DLGAP4: variants seen among roughly 807,000 people sequenced by gnomAD.
DLGAP4 encodes the protein disks large-associated protein 4.
Under a neutral mutation model 86.9 loss-of-function variants are expected in DLGAP4, and 18 were observed. The ratio of observed to expected loss-of-function variants is 0.21; its 90% CI spans 0.14 to 0.31. The LOEUF (loss-of-function observed/expected upper bound fraction) is 0.31. Among genes scored for constraint, DLGAP4 ranks in the 10% least tolerant of loss-of-function variants. The pLI, the probability that DLGAP4 is intolerant of heterozygous loss-of-function variation, is 1.00. For missense variants in DLGAP4, 1,085 were observed against 1,362.6 expected (o/e 0.80, Z 3.21); for synonymous variants, 548 against 574.3 (o/e 0.95, Z 0.65).
At chr20:36,460,838 T>C (rs537597951) in intron 7 of DLGAP4, among the ~76,000 whole-genome samples, 22 of 152,286 alleles carry the variant, frequency 1.4e-4, no homozygotes, top group African/African-American at 2.9e-4. Context: ...GGGGGAGGAA[T>C]GGAAGGCTCA....
chr20:36,374,925 C>G (rs2031093852), intron 2 of DLGAP4, among the ~76,000 whole-genome samples: 1 of 152,254 alleles, frequency 6.6e-6, no homozygotes, highest in African/African-American at 2.4e-5. Context: ...GATGAGGAAG[C>G]CCTGGATGTC....
intron 2 of DLGAP4, among the ~76,000 whole-genome samples, chr20:36,392,313 G>A (rs2031810778): frequency 1.3e-5 from 2 of 152,206 alleles, no homozygotes; most frequent in South Asian, 4.1e-4. Flanking sequence ...ACAGCCAGGA[G>A]GGGTTAGAGC....
chr20:36,361,978 CA>C (rs545997891), intron 1 of DLGAP4, among the ~76,000 whole-genome samples: 1,964 of 48,422 alleles, frequency 0.041, 26 homozygotes, highest in African/African-American at 0.13. Context: ...GATTCTGTCT[CA>C]AAAAAAAAAA....
At chr20:36,321,956 G>A (rs2065172901) in intron 1 of DLGAP4, among the ~76,000 whole-genome samples, 1 of 152,192 alleles carries the variant, frequency 6.6e-6, no homozygotes, top group Non-Finnish European at 1.5e-5. Context: ...TATTTGTTGA[G>A]TGCCCACTTG....
chr20:36,403,975 A>G lies in DLGAP4; in HGVS notation c.-72-27671A>G, dbSNP rs140285725. Among the ~76,000 whole-genome samples the G allele has an allele frequency of 6.5e-3, 985 of 152,344 alleles. 7 individuals are homozygous for G. Among genetic ancestry groups the G allele is most frequent in the African/African-American group, 0.021 (875 of 41,574 alleles). ...CAAGAGATCCAAAACAGCAAGTTGG[A>G]AACTGCAGTATCTTTCATAGTCTAG... On this transcript the variant is annotated intron_variant, in intron 2 of 12. Transcript: ENST00000339266.
chr20:36,315,865 A>G (rs1600392189), intron 1 of DLGAP4, among the ~76,000 whole-genome samples: 1 of 152,034 alleles, frequency 6.6e-6, no homozygotes, highest in Non-Finnish European at 1.5e-5. Context: ...GAGCTGACTG[A>G]CCCCTGCCAT....
At chr20:36,328,543 A>C (rs1256232897) in intron 1 of DLGAP4, among the ~76,000 whole-genome samples, 2 of 151,688 alleles carry the variant, frequency 1.3e-5, no homozygotes, top group African/African-American at 4.9e-5. Context: ...CCCAGACTCT[A>C]TCAGGAGGGG....
rs1332468819 is a variant in DLGAP4 at position 36,393,913 on chromosome 20, C to T, written c.-73+26638C>T. 6.6e-6 allele frequency among the ~76,000 whole-genome samples: 1 copy of T among 152,134 alleles called. No homozygotes were observed. Among genetic ancestry groups the T allele is most frequent in the Non-Finnish European group, 1.5e-5 (1 of 68,008 alleles). On this transcript the variant is annotated intron_variant, in intron 2 of 12. Coordinates refer to ENST00000339266, the MANE Select transcript of DLGAP4 (RefSeq NM_001365621.2). This position sits in a 1 kb window ranked among gnomAD's most constrained non-coding sequence, Gnocchi z 4.4. ...GGAGGGGGCTCAGGGACTCATCCCTCGCCTGCCCACAGAATGCGCCCCAGG... is the reference window on the plus strand; with the variant it reads ...GGAGGGGGCTCAGGGACTCATCCCTTGCCTGCCCACAGAATGCGCCCCAGG...
chr20:36,526,494 C>G (rs1208139374), intron 12 of DLGAP4, among the ~76,000 whole-genome samples: 1 of 152,090 alleles, frequency 6.6e-6, no homozygotes, highest in East Asian at 1.9e-4. Context: ...AAATTTGTCT[C>G]TGACTGTGAC....
rs1458341748 is a variant in DLGAP4 at position 36,327,614 on chromosome 20, C to T, written c.-304+21102C>T. On this transcript the variant is annotated intron_variant, in intron 1 of 12. Transcript: ENST00000339266. ...TCTTTTTTTTTTTTTTTTTTTGAGA[C>T]GGAGTCTCGCTCTGTCGCCCAGGCT... Among the ~76,000 whole-genome samples, 51 of 129,956 alleles carry T rather than the reference C, an allele frequency of 3.9e-4. 1 individual carries two copies. Among genetic ancestry groups the T allele is most frequent in the East Asian group, 8.9e-4 (4 of 4,494 alleles). 85.3% of individuals were successfully genotyped at this position (129,956 alleles called of 152,430 possible).
chr20:36,387,768 G>A (rs2031648490), intron 2 of DLGAP4, among the ~76,000 whole-genome samples: 1 of 152,168 alleles, frequency 6.6e-6, no homozygotes, highest in African/African-American at 2.4e-5. Context: ...TTTTCTCACT[G>A]ATTTGAAATA....
chr20:36,417,680 G>A (rs1476692953), intron 2 of DLGAP4, among the ~76,000 whole-genome samples: 2 of 151,868 alleles, frequency 1.3e-5, no homozygotes, highest in East Asian at 1.9e-4. Flanking sequence ...CTCCGTGCCC[G>A]GCCTGAGACG....
intron 1 of DLGAP4, among the ~76,000 whole-genome samples, chr20:36,330,793 C>T (rs932315863): frequency 2.6e-5 from 4 of 152,112 alleles, no homozygotes; most frequent in South Asian, 2.1e-4. Flanking sequence ...AAGATGGTCT[C>T]GATCTCTTGA....
intron 2 of DLGAP4, among the ~76,000 whole-genome samples, chr20:36,384,468 A>G (rs752734110): frequency 6.6e-6 from 1 of 152,232 alleles, no homozygotes; most frequent in Non-Finnish European, 1.5e-5. Context: ...ATTTCTAAGC[A>G]GCAACCTACA....
At chr20:36,394,021 A>G (rs1233604164) in intron 2 of DLGAP4, among the ~76,000 whole-genome samples, 1 of 152,152 alleles carries the variant, frequency 6.6e-6, no homozygotes, top group Non-Finnish European at 1.5e-5. Flanking sequence ...TCTATTTCTC[A>G]GAACCTGTGA....
At chr20:36,470,416 G>T (rs1264953420) in intron 7 of DLGAP4, among the ~76,000 whole-genome samples, 1 of 152,106 alleles carries the variant, frequency 6.6e-6, no homozygotes. Flanking sequence ...TGTGTGCCTG[G>T]GTCCTGCCTC....
At chr20:36,508,013 G>A (rs920387181) in intron 10 of DLGAP4, 1 of 152,308 alleles carries the variant, frequency 6.6e-6, no homozygotes, top group Admixed American at 6.5e-5. Context: ...CCAGGCCCAA[G>A]TGTGTGTTGA....
At chr20:36,395,494 G>A (rs1332481960) in intron 2 of DLGAP4, among the ~76,000 whole-genome samples, 1 of 151,892 alleles carries the variant, frequency 6.6e-6, no homozygotes, top group East Asian at 1.9e-4. Flanking sequence ...AGTCAGCACT[G>A]CCTTTTTTTT....
intron 1 of DLGAP4, among the ~76,000 whole-genome samples, chr20:36,336,013 T>A (rs2065318025): frequency 6.6e-6 from 1 of 152,168 alleles, no homozygotes; most frequent in Non-Finnish European, 1.5e-5. Flanking sequence ...TCCCACCCTG[T>A]GGCCAGGGCC....
Sources: allele counts gnomAD v4.1 joint callset (sites outside exome capture counted in the v4.1 genomes callset), GRCh38; gene constraint gnomAD v4.1.1; non-coding constraint Gnocchi (gnomAD v3.1); transcripts MANE v1.5; gene names NCBI Gene and HGNC (gene_info 2026-07-23, HGNC 2026-07-21).